GPM6A: variants seen among roughly 807,000 people sequenced by gnomAD.
The protein encoded by GPM6A is glycoprotein M6A, also known as neuronal membrane glycoprotein M6-a.
Under a neutral mutation model 32.1 loss-of-function variants are expected in GPM6A, and 7 were observed. The observed-to-expected ratio is 0.22, with a 90% CI of 0.12 to 0.41. The LOEUF is 0.41. GPM6A is among the 10% of genes least tolerant of loss of function. The probability of loss-of-function intolerance (pLI) is 1.00; values close to 1 mark genes in which losing one functional copy is unlikely to be tolerated. For synonymous variants in GPM6A, 130 were observed against 123.4 expected (o/e 1.05, Z -0.35); for missense variants, 235 against 347.2 (o/e 0.68, Z 2.57).
intron 1 of GPM6A, among the ~76,000 whole-genome samples, chr4:175,853,950 T>C (rs1046013863): frequency 7.9e-5 from 12 of 152,166 alleles, no homozygotes; most frequent in Non-Finnish European, 1.5e-4. Flanking sequence ...ACCTTGAAAC[T>C]AAATGCAGGC....
At chr4:175,953,063 GA>G (rs1561009373) in intron 1 of GPM6A, among the ~76,000 whole-genome samples, 1 of 146,060 alleles carries the variant, frequency 6.8e-6, no homozygotes, top group Non-Finnish European at 1.5e-5. Flanking sequence ...AAAAAGAAAA[GA>G]AAAACAGAAA....
chr4:175,649,414 A>G (rs748539698), intron 4 of GPM6A, among the ~76,000 whole-genome samples: 4 of 152,214 alleles, frequency 2.6e-5, no homozygotes, highest in Non-Finnish European at 4.4e-5. Flanking sequence ...TATCTTTTAC[A>G]AAGGATTATT....
At chr4:175,764,556 G>A (rs1275017415) in intron 1 of GPM6A, among the ~76,000 whole-genome samples, 1 of 152,022 alleles carries the variant, frequency 6.6e-6, no homozygotes, top group Non-Finnish European at 1.5e-5. Flanking sequence ...AAGATTTGGG[G>A]AAAACTGTTT....
intron 1 of GPM6A, among the ~76,000 whole-genome samples, chr4:175,862,845 C>T (rs1002835613): frequency 1.1e-4 from 17 of 151,742 alleles, no homozygotes; most frequent in Admixed American, 4.6e-4. Context: ...TTTTATGTCT[C>T]GTGTTGAAAG....
intron 1 of GPM6A, chr4:176,002,293 C>T: frequency 6.2e-7 from 1 of 1,600,228 alleles, no homozygotes; most frequent in South Asian, 1.1e-5. Flanking sequence ...GTGTACGCGC[C>T]CGCCCGCGCA....
chr4:176,000,493 T>C (rs1341324220), intron 1 of GPM6A, among the ~76,000 whole-genome samples: 1 of 152,212 alleles, frequency 6.6e-6, no homozygotes, highest in African/African-American at 2.4e-5. Context: ...AAATGGAAAT[T>C]AAAAATAATT....
Position 175,976,666 on chromosome 4 carries a change from C to T in GPM6A, c.-23+25643G>A, listed in dbSNP as rs141078874. Among the ~76,000 whole-genome samples the T allele has an allele frequency of 4.6e-3, 695 of 152,198 alleles. 4 individuals are homozygous for T. The highest frequency in any genetic ancestry group is 0.016 in the African/African-American group (660 of 41,522). On this transcript the variant is annotated intron_variant, in intron 1 of 7. Coordinates refer to the GPM6A transcript ENST00000280187. ...AGGCTTGACTCTGTGGAAATGGGTA[C>T]ACAGATGAACGGTCCACTAATAGAA...
At chr4:175,982,499 A>G (rs1740847548) in intron 1 of GPM6A, among the ~76,000 whole-genome samples, 4 of 152,134 alleles carry the variant, frequency 2.6e-5, no homozygotes. Context: ...TTTGTTTAAA[A>G]TACTTTGCTT....
At position 175,651,910 on chromosome 4, in the gene GPM6A, G is replaced by C; in HGVS notation, c.465C>G (p.Tyr155Ter). Residue 155 changes from tyrosine (Y) to a stop codon, truncating the protein, a stop_gained, in exon 4 of 7, where the codon TAC becomes TAG. Transcript: ENST00000393658. LOFTEE classifies it high-confidence loss of function. Reference sequence around the variant, plus strand: ...TCCGGCAGATGGTCCACAGATTGAAGTACATGTAAACTGGCAGTGAGGTGA... The same window carrying C: ...TCCGGCAGATGGTCCACAGATTGAACTACATGTAAACTGGCAGTGAGGTGA... Reference protein sequence around the residue: ...TAFTSLPVYMYFNLWTICRNT... With the variant: ...TAFTSLPVYM 1 of 1,612,992 alleles carries C rather than the reference G, an allele frequency of 6.2e-7. No homozygotes were observed. The highest frequency in any genetic ancestry group is 8.5e-7 in the Non-Finnish European group (1 of 1,179,144).
At chr4:175,849,717 G>T (rs1022104008) in intron 1 of GPM6A, among the ~76,000 whole-genome samples, 1 of 152,066 alleles carries the variant, frequency 6.6e-6, no homozygotes, top group South Asian at 2.1e-4. Flanking sequence ...TTGTGTTGAA[G>T]CTGCTTCTTC....
chr4:175,889,952 A>G (rs73010163), intron 1 of GPM6A, among the ~76,000 whole-genome samples: 5,237 of 152,326 alleles, frequency 0.034, 273 homozygotes, highest in African/African-American at 0.12. Flanking sequence ...AAAACACACT[A>G]CAAATCAACA....
intron 4 of GPM6A, among the ~76,000 whole-genome samples, chr4:175,649,746 T>C (rs1189201900): frequency 6.6e-6 from 1 of 152,228 alleles, no homozygotes; most frequent in Non-Finnish European, 1.5e-5. Flanking sequence ...GCAATCTCAG[T>C]GTCCCTTAGT....
chr4:175,694,756 T>C (rs1164743833), intron 2 of GPM6A, among the ~76,000 whole-genome samples: 2 of 152,138 alleles, frequency 1.3e-5, no homozygotes, highest in African/African-American at 4.8e-5. Context: ...CTGCAGAAAT[T>C]TACATAAGTA....
intron 1 of GPM6A, among the ~76,000 whole-genome samples, chr4:175,940,008 C>T (rs1475012604): frequency 6.6e-6 from 1 of 152,064 alleles, no homozygotes; most frequent in Non-Finnish European, 1.5e-5. Flanking sequence ...AACAGAGAAA[C>T]ATAAATAGTG....
At chr4:175,831,952 C>T (rs1735629560) in intron 1 of GPM6A, among the ~76,000 whole-genome samples, 1 of 151,924 alleles carries the variant, frequency 6.6e-6, no homozygotes, top group South Asian at 2.1e-4. Context: ...CTCTTGACCT[C>T]AGGTGATCCA....
intron 2 of GPM6A, among the ~76,000 whole-genome samples, chr4:175,678,782 A>C (rs933309108): frequency 6.6e-6 from 1 of 152,204 alleles, no homozygotes; most frequent in African/African-American, 2.4e-5. Flanking sequence ...GGGCTATTCT[A>C]TACAATTCTT....
At chr4:175,903,720 C>A (rs974424283) in intron 1 of GPM6A, among the ~76,000 whole-genome samples, 1 of 151,994 alleles carries the variant, frequency 6.6e-6, no homozygotes, top group Non-Finnish European at 1.5e-5. Flanking sequence ...AAATAAGTGT[C>A]CTATAATTTT....
chr4:175,881,149 A>G (rs1463071409), intron 1 of GPM6A, among the ~76,000 whole-genome samples: 1 of 152,212 alleles, frequency 6.6e-6, no homozygotes, highest in Non-Finnish European at 1.5e-5. Context: ...ATTTACAAGA[A>G]AAAAACAAAC....
chr4:175,963,420 T>C (rs1414589341), intron 1 of GPM6A, among the ~76,000 whole-genome samples: 2 of 151,388 alleles, frequency 1.3e-5, no homozygotes, highest in Non-Finnish European at 2.9e-5. Context: ...GGGTGGAGAG[T>C]GGGTGAGCCT....
Sources: gnomAD v4.1 joint callset for allele counts (sites outside exome capture counted in the v4.1 genomes callset) on GRCh38, gnomAD v4.1.1 for gene constraint, MANE v1.5 for transcripts, NCBI Gene and HGNC (gene_info 2026-07-23, HGNC 2026-07-21) for gene names.